FBXO41: variants seen among roughly 807,000 people sequenced by gnomAD.
The protein encoded by FBXO41 is F-box only protein 41.
In FBXO41, 33 loss-of-function variants were observed where a neutral mutation model predicts 81.6. That is an observed-to-expected ratio of 0.40 (90% CI 0.31 to 0.54). The LOEUF (loss-of-function observed/expected upper bound fraction) is 0.54, where lower values mean the gene tolerates loss of function less well. Among genes scored for constraint, FBXO41 ranks in the 20% least tolerant of loss-of-function variants. FBXO41 has a pLI of 0.39. For missense variants in FBXO41, 1,107 were observed against 1,236.0 expected (o/e 0.90, Z 1.56); for synonymous variants, 576 against 552.7 (o/e 1.04, Z -0.59).
intron 1 of FBXO41, among the ~76,000 whole-genome samples, chr2:73,270,335 G>A (rs1173738741): frequency 6.6e-6 from 1 of 152,156 alleles, no homozygotes; most frequent in Non-Finnish European, 1.5e-5. Flanking sequence ...TTGAGTGGTG[G>A]TTATACAGTT....
At chr2:73,272,267 C>A (rs1157136390) in intron 1 of FBXO41, 1 of 152,198 alleles carries the variant, frequency 6.6e-6, no homozygotes, top group Non-Finnish European at 1.5e-5. Flanking sequence ...TAAGGTCCAA[C>A]AAGCAAGAGA....
At position 73,266,327 on chromosome 2, in the gene FBXO41, T is replaced by A; in HGVS notation, c.1131+130A>T. The A allele has an allele frequency of 8.9e-7, 1 of 1,128,890 alleles. No homozygotes were observed. Among genetic ancestry groups the A allele is most frequent in the Non-Finnish European group, 1.2e-6 (1 of 814,340 alleles). The allele number at this position is 1,128,890 out of a possible 1,614,324, so 69.9% of individuals were successfully genotyped here. A position where few individuals can be genotyped will look rare whatever the true frequency, so the allele number is the denominator to read the frequency against. On this transcript the variant is annotated intron_variant, in intron 3 of 12. Transcript: ENST00000520530. The surrounding 1 kb of genome is among the most constrained non-coding windows in gnomAD (Gnocchi z 5.3). ...CAAAGGGGCTCCCCTGTTCCTGGCA[T>A]CTGCTGGTGGGGTAAAAGCCAAAGA...
intron 1 of FBXO41, among the ~76,000 whole-genome samples, chr2:73,282,109 C>T (rs1688864944): frequency 1.3e-5 from 2 of 152,202 alleles, no homozygotes; most frequent in Non-Finnish European, 2.9e-5. Flanking sequence ...ATTCTCCTGC[C>T]TCAGTCTCCT....
intron 1 of FBXO41, among the ~76,000 whole-genome samples, chr2:73,280,461 A>C (rs1299186923): frequency 2.0e-5 from 3 of 152,226 alleles, no homozygotes; most frequent in African/African-American, 7.2e-5. Flanking sequence ...CCCACCCTCA[A>C]GACTGGCTGG....
At position 73,259,486 on chromosome 2, in the gene FBXO41, G is replaced by A. The variant is rs1188841205; in HGVS notation, c.2450-190C>T. On this transcript the variant is annotated intron_variant, in intron 11 of 12. Transcript: ENST00000520530. The surrounding 1 kb of genome is among the most constrained non-coding windows in gnomAD (Gnocchi z 4.2). ...AGAGGTAGATGGGGCTGAGGCACAG[G>A]AGAGGCTGCATTGGCCTCTGGGAGG... 3.9e-5 allele frequency among the ~76,000 whole-genome samples: 6 copies of A among 152,202 alleles called. No homozygotes were observed. The highest frequency in any genetic ancestry group is 1.4e-4 in the African/African-American group (6 of 41,440).
At position 73,269,478 on chromosome 2, in the gene FBXO41, G is replaced by C. The variant is rs1349279499; in HGVS notation, c.153C>G (p.Ala51=). 5 of 1,282,176 alleles carry C rather than the reference G, an allele frequency of 3.9e-6. No homozygotes were observed. In the African/African-American group the frequency reaches 7.9e-5, roughly 20 times the overall value. 79.4% of individuals were successfully genotyped at this position (1,282,176 alleles called of 1,614,324 possible). ...LSKTNSICDG[A]AAAAAAAAAA... is the part of the protein sequence containing the mutation. ...CGGCGGCGGCGGCCGCGGCGGCGGCGGCGCCGTCGCAGATGCTGTTGGTCT... is the reference window on the plus strand; with the variant it reads ...CGGCGGCGGCGGCCGCGGCGGCGGCCGCGCCGTCGCAGATGCTGTTGGTCT... Residue 51 remains alanine (A), a synonymous_variant, in exon 2 of 13, where the codon GCC becomes GCG. Transcript: ENST00000520530. This position sits in a 1 kb window ranked among gnomAD's most constrained non-coding sequence, Gnocchi z 7.0.
In FBXO41 at chr2:73,263,783, C is replaced by G; in HGVS notation, c.1970G>C (p.Gly657Ala). The change falls in exon 8 of 13, where the codon GGG becomes GCG. Residue 657 changes from glycine (G) to alanine (A), a missense_variant. Coordinates refer to ENST00000520530, the MANE Select transcript of FBXO41 (RefSeq NM_001371389.2). ...GGAGATGCGCAGGATCAGCAGGTTCCCCCCAGCTGCCTTCAGCAGGGACTC... is the reference window on the plus strand; with the variant it reads ...GGAGATGCGCAGGATCAGCAGGTTCGCCCCAGCTGCCTTCAGCAGGGACTC... ...GLESLLKAAG[G>A]NLLILRISHC... 4 of 1,614,002 alleles carry G rather than the reference C, an allele frequency of 2.5e-6. No homozygotes were observed. Among genetic ancestry groups the G allele is most frequent in the Non-Finnish European group, 3.4e-6 (4 of 1,179,890 alleles).
intron 1 of FBXO41, among the ~76,000 whole-genome samples, chr2:73,278,849 A>G (rs192768422): frequency 6.6e-5 from 10 of 152,334 alleles, no homozygotes; most frequent in African/African-American, 1.9e-4. Context: ...GGGAACTAAA[A>G]TGTAAGCTCC....
At position 73,264,504 on chromosome 2, in the gene FBXO41, C is replaced by T. The variant is rs982577424; in HGVS notation, c.1580G>A (p.Gly527Asp). 2.5e-6 allele frequency: 4 copies of T among 1,613,604 alleles called. No homozygotes were observed. In the African/African-American group the frequency reaches 4.0e-5, roughly 16 times the overall value. The stretch of plus-strand genomic sequence containing the variant: ...CTCTGCTCGCCGACCCCGCCCACTG[C>T]CTCCCTCGGGGCGGGCTGCAGAATA... Reference protein sequence around the residue: ...SCRLSARPEGGSGRGRRAERV... With the variant: ...SCRLSARPEGDSGRGRRAERV... Residue 527 changes from glycine to aspartate, a missense_variant, in exon 6 of 13, where the codon GGC becomes GAC. This residue lies in a region of FBXO41 where 771 missense variants were observed against 789.2 expected (regional missense o/e 0.98). Coordinates refer to ENST00000520530, the MANE Select transcript of FBXO41 (RefSeq NM_001371389.2).
chr2:73,259,323 C>A lies in FBXO41; in HGVS notation c.2450-27G>T. On this transcript the variant is annotated intron_variant, in intron 11 of 12. Transcript: ENST00000520530. This position sits in a 1 kb window ranked among gnomAD's most constrained non-coding sequence, Gnocchi z 4.2. ...TGAGAAAAGGTGAGCAAAGTAGGGG[C>A]GTGTTTGGCCTGGGCTGTGGAGCTG... 1 of 1,593,664 alleles carries A rather than the reference C, an allele frequency of 6.3e-7. No individual in the cohort carries two copies. The highest frequency in any genetic ancestry group is 8.6e-7 in the Non-Finnish European group (1 of 1,161,592).
At position 73,266,350 on chromosome 2, in the gene FBXO41, A is replaced by T. The variant is rs1187405522; in HGVS notation, c.1131+107T>A. On this transcript the variant is annotated intron_variant, in intron 3 of 12. Coordinates refer to ENST00000520530, the MANE Select transcript of FBXO41 (RefSeq NM_001371389.2). This position sits in a 1 kb window ranked among gnomAD's most constrained non-coding sequence, Gnocchi z 5.3. The stretch of plus-strand genomic sequence containing the variant: ...CATCTGCTGGTGGGGTAAAAGCCAA[A>T]GAAGGGGCGAATGCGGCATCATGGG... 7.6e-7 allele frequency: 1 copy of T among 1,322,296 alleles called. No homozygotes were observed. The highest frequency in any genetic ancestry group is 1.0e-6 in the Non-Finnish European group (1 of 988,640). The allele number at this position is 1,322,296 out of a possible 1,614,324, so 81.9% of individuals were successfully genotyped here.
intron 8 of FBXO41, 140 bp from the exon 9 acceptor site, chr2:73,263,448 G>A (rs576677226): frequency 2.3e-4 from 176 of 749,904 alleles, no homozygotes; most frequent in Non-Finnish European, 2.9e-4. Context: ...GCGAGACCCC[G>A]TCTCCATTTA....
rs780356443 is a variant in FBXO41 at position 73,265,933 on chromosome 2, T to C, written c.1165A>G (p.Thr389Ala). The C allele has an allele frequency of 2.5e-6, 4 of 1,586,500 alleles. No homozygotes were observed. In the East Asian group the frequency reaches 9.2e-5, roughly 36 times the overall value. ...GAGCCATGCCGTGACACTGCATATG[T>C]GTTAGGCACGGCCGGGCCCACGTGG... ...EHHVGPAVPN[T>A]YAVSRHGSSP... Residue 389 changes from threonine to alanine, a missense_variant, in exon 4 of 13, where the codon ACA becomes GCA. This residue lies in a region of FBXO41 where 771 missense variants were observed against 789.2 expected (regional missense o/e 0.98). Transcript: ENST00000520530.
chr2:73,264,649 A>C (rs1688164323), intron 5 of FBXO41, 130 bp from the exon 6 acceptor site: 1 of 1,370,318 alleles, frequency 7.3e-7, no homozygotes, highest in African/African-American at 1.4e-5. Flanking sequence ...CCTAGGGAGG[A>C]AGGAAAAGGG....
Position 73,258,051 on chromosome 2 carries a change from C to T in FBXO41, c.*931G>A, listed in dbSNP as rs1687877673. 1 of 152,234 alleles carries T rather than the reference C, an allele frequency of 6.6e-6. No individual in the cohort carries two copies. The highest frequency in any genetic ancestry group is 1.5e-5 in the Non-Finnish European group (1 of 68,058). The allele number at this position is 152,234 out of a possible 1,614,324, so 9.4% of individuals were successfully genotyped here. On this transcript the variant is annotated 3_prime_UTR_variant, in exon 13 of 13. Transcript: ENST00000520530. ...TCCCTCCCAGACAGCCTTGGTGACC[C>T]GAAGGCCATCGGGTTCCTGCCCAAG...
rs1190540945 is a variant in FBXO41, at chr2:73,256,431, G to C, written c.*2551C>G. ...GAGCGTCAAGGGGCTGGTGGGGCAG[G>C]GGCTGCAAAGCTGCCAGTGCTTGGG... is the stretch of plus-strand genomic sequence containing the variant. On this transcript the variant is annotated 3_prime_UTR_variant, in exon 13 of 13. Coordinates refer to ENST00000520530, the MANE Select transcript of FBXO41 (RefSeq NM_001371389.2). The C allele has an allele frequency of 1.3e-5, 2 of 152,184 alleles. No homozygotes were observed. Among genetic ancestry groups the C allele is most frequent in the Non-Finnish European group, 2.9e-5 (2 of 68,152 alleles). The allele number at this position is 152,184 out of a possible 1,614,324, so 9.4% of individuals were successfully genotyped here.
chr2:73,255,852 C>T lies in FBXO41; in HGVS notation c.*3130G>A, dbSNP rs1355756670. On this transcript the variant is annotated 3_prime_UTR_variant, in exon 13 of 13. Transcript: ENST00000520530. ...TGAGGCAATTCCTGAGGGGCTGGCT[C>T]AGACTCGAGTGTCACAGAACCAAGA... 5.3e-5 allele frequency: 8 copies of T among 152,252 alleles called. No homozygotes were observed. Among genetic ancestry groups the T allele is most frequent in the Admixed American group, 2.0e-4 (3 of 15,284 alleles). 9.4% of individuals were successfully genotyped at this position (152,252 alleles called of 1,614,324 possible).
chr2:73,259,202 C>A lies in FBXO41; in HGVS notation c.2544G>T (p.Glu848Asp). 3 of 1,614,014 alleles carry A rather than the reference C, an allele frequency of 1.9e-6. No homozygotes were observed. The highest frequency in any genetic ancestry group is 2.5e-6 in the Non-Finnish European group (3 of 1,179,890). ...TCACCTGGAGTTTTGTCACCATGTCCTCAAACAGCTTCTGGGCCTCAGGGC... is the reference window on the plus strand; with the variant it reads ...TCACCTGGAGTTTTGTCACCATGTCATCAAACAGCTTCTGGGCCTCAGGGC... ...PSSPEAQKLF[E>D]DMVTKLQALR... Residue 848 changes from glutamate (E) to aspartate (D), a missense_variant, in exon 12 of 13, where the codon GAG (glutamate) becomes GAT (aspartate). By Grantham distance (45) the Glu-to-Asp change is conservative. Transcript: ENST00000520530. This position sits in a 1 kb window ranked among gnomAD's most constrained non-coding sequence, Gnocchi z 4.2.
chr2:73,276,364 G>A (rs1181927854), intron 1 of FBXO41, among the ~76,000 whole-genome samples: 2 of 151,504 alleles, frequency 1.3e-5, no homozygotes, highest in African/African-American at 2.4e-5. Flanking sequence ...GAGCCATTCC[G>A]CCATTGCACT....
Sources: allele counts gnomAD v4.1 joint callset (sites outside exome capture counted in the v4.1 genomes callset), GRCh38; gene constraint gnomAD v4.1.1; regional missense constraint gnomAD v4.1.1; non-coding constraint Gnocchi (gnomAD v3.1); transcripts MANE v1.5; gene names NCBI Gene and HGNC (gene_info 2026-07-23, HGNC 2026-07-21).